Variants in KBTBD12 observed in about 807,000 individuals in gnomAD.
KBTBD12 encodes the protein kelch repeat and BTB domain containing 12.
Under a neutral mutation model 58.7 loss-of-function variants are expected in KBTBD12, and 53 were observed. The observed-to-expected ratio is 0.90, with a 90% CI of 0.72 to 1.14. The LOEUF is 1.14. Ranked by LOEUF, KBTBD12 falls within the 50% of genes most tolerant of loss-of-function variation. The pLI, the probability that KBTBD12 is intolerant of heterozygous loss-of-function variation, is 0.00. For missense variants in KBTBD12, 704 were observed against 751.3 expected, an observed-to-expected ratio of 0.94 and a Z score of 0.74; for synonymous variants, 236 against 259.8, an observed-to-expected ratio of 0.91 and a Z score of 0.88.
chr3:127,921,127 G>T (rs1466850786), intron 1 of KBTBD12, among the ~76,000 whole-genome samples: 1 of 152,012 alleles, frequency 6.6e-6, no homozygotes, highest in Non-Finnish European at 1.5e-5. Flanking sequence ...CAAGAAAATT[G>T]CATATTGTAC....
chr3:127,936,425 T>G (rs1287759611), intron 4 of KBTBD12, among the ~76,000 whole-genome samples: 1 of 152,032 alleles, frequency 6.6e-6, no homozygotes, highest in East Asian at 1.9e-4. Context: ...CAATGGAGAT[T>G]TATACTACTA....
chr3:127,982,479 T>C (rs1397730294), intron 5 of KBTBD12, among the ~76,000 whole-genome samples: 2 of 152,064 alleles, frequency 1.3e-5, no homozygotes, highest in Non-Finnish European at 2.9e-5. Flanking sequence ...CCACTGAAAT[T>C]ATTCAAACCA....
intron 4 of KBTBD12, among the ~76,000 whole-genome samples, chr3:127,961,836 C>T (rs1940446017): frequency 6.6e-6 from 1 of 152,200 alleles, no homozygotes; most frequent in Admixed American, 6.5e-5. Context: ...AAAATACCAC[C>T]TGACTGATGC....
At chr3:127,915,620 C>G (rs1184698062) in intron 1 of KBTBD12, 34 bp downstream of exon 1, 1 of 152,264 alleles carries the variant, frequency 6.6e-6, no homozygotes, top group Non-Finnish European at 1.5e-5. Context: ...GGAACGCGGC[C>G]CCCAGTCACA....
intron 4 of KBTBD12, among the ~76,000 whole-genome samples, chr3:127,937,360 A>G (rs1939853147): frequency 6.6e-6 from 1 of 152,228 alleles, no homozygotes; most frequent in Non-Finnish European, 1.5e-5. Context: ...AAGTGACTTT[A>G]TAACTGCAAG....
chr3:127,982,537 C>T (rs752347479), intron 5 of KBTBD12, among the ~76,000 whole-genome samples: 2 of 152,212 alleles, frequency 1.3e-5, no homozygotes, highest in Non-Finnish European at 2.9e-5. Flanking sequence ...CTCCCGTGGC[C>T]TACACCTTCC....
At chr3:127,938,565 G>A (rs976229634) in intron 4 of KBTBD12, among the ~76,000 whole-genome samples, 4 of 152,210 alleles carry the variant, frequency 2.6e-5, no homozygotes, top group African/African-American at 9.6e-5. Context: ...CTAGATATTA[G>A]ATGAAATGTA....
chr3:127,934,672 G>A (rs868325498), intron 4 of KBTBD12, among the ~76,000 whole-genome samples: 1 of 152,012 alleles, frequency 6.6e-6, no homozygotes, highest in Admixed American at 6.5e-5. Context: ...AAGGTAAAAC[G>A]CCGTATCATG....
chr3:127,957,221 G>C (rs559868135), intron 4 of KBTBD12, among the ~76,000 whole-genome samples: 7 of 152,218 alleles, frequency 4.6e-5, no homozygotes, highest in Non-Finnish European at 8.8e-5. Context: ...ATTTCACTTA[G>C]ACACAAGATA....
At chr3:127,973,087 T>C (rs1254966688) in intron 5 of KBTBD12, among the ~76,000 whole-genome samples, 2 of 152,218 alleles carry the variant, frequency 1.3e-5, no homozygotes, top group Non-Finnish European at 2.9e-5. Context: ...CAAATAATCA[T>C]CATTAATAAT....
At chr3:127,919,711 A>C (rs540418635) in intron 1 of KBTBD12, among the ~76,000 whole-genome samples, 1 of 152,090 alleles carries the variant, frequency 6.6e-6, no homozygotes, top group South Asian at 2.1e-4. Flanking sequence ...TTTTCCAATC[A>C]CTCATAAATT....
intron 5 of KBTBD12, among the ~76,000 whole-genome samples, chr3:127,972,240 T>C (rs1282271446): frequency 1.3e-5 from 2 of 152,160 alleles, no homozygotes; most frequent in African/African-American, 4.8e-5. Flanking sequence ...AAACAGAGGG[T>C]AAATGTTGAA....
chr3:127,935,262 C>G (rs1342047674), intron 4 of KBTBD12, among the ~76,000 whole-genome samples: 1 of 151,996 alleles, frequency 6.6e-6, no homozygotes, highest in African/African-American at 2.4e-5. Flanking sequence ...AATTGTGATA[C>G]TATATAGTTG....
At chr3:127,930,085 A>C in intron 3 of KBTBD12, 48 bp from the exon 4 acceptor site, 2 of 1,510,484 alleles carry the variant, frequency 1.3e-6, no homozygotes, top group Non-Finnish European at 1.8e-6. Context: ...GTACTCACAA[A>C]GATTGCTAAA....
chr3:127,942,085 A>C (rs1032620984), intron 4 of KBTBD12, among the ~76,000 whole-genome samples: 2 of 152,208 alleles, frequency 1.3e-5, no homozygotes, highest in South Asian at 4.1e-4. Context: ...TCTATGTAGA[A>C]AATCTAAAAG....
chr3:127,941,191 A>G (rs1314387430), intron 4 of KBTBD12, among the ~76,000 whole-genome samples: 3 of 152,218 alleles, frequency 2.0e-5, no homozygotes, highest in Non-Finnish European at 4.4e-5. Context: ...ATAGGTCAGC[A>G]TTACCTAATA....
chr3:127,942,102 T>A (rs988361603), intron 4 of KBTBD12, among the ~76,000 whole-genome samples: 13 of 152,216 alleles, frequency 8.5e-5, no homozygotes, highest in African/African-American at 3.1e-4. Context: ...AAAGGGCCTA[T>A]CTTTTACATT....
chr3:127,970,348 G>A (rs1940660186), intron 5 of KBTBD12, among the ~76,000 whole-genome samples: 1 of 152,200 alleles, frequency 6.6e-6, no homozygotes, highest in Admixed American at 6.5e-5. Context: ...TAATGCAGCT[G>A]CTCTGGAAAA....
rs370030575 is a variant in KBTBD12 at position 127,923,151 on chromosome 3, G to A, written c.90G>A (p.Met30Ile). 91 of 1,612,006 alleles carry A rather than the reference G, an allele frequency of 5.6e-5. No individual in the cohort carries two copies. The highest frequency in any genetic ancestry group is 7.1e-5 in the Non-Finnish European group (84 of 1,178,312). ...KIQNMKELAE[M>I]IDVVLTAEGE... Reference sequence around the variant, plus strand: ...AGAACATGAAAGAATTAGCAGAAATGATTGATGTGGTACTCACAGCAGAAG... The same window carrying A: ...AGAACATGAAAGAATTAGCAGAAATAATTGATGTGGTACTCACAGCAGAAG... Residue 30 changes from methionine to isoleucine, a missense_variant, in exon 2 of 6, where the codon ATG (methionine) becomes ATA (isoleucine). Met to Ile is a conservative substitution (Grantham distance 10). Coordinates refer to ENST00000405109, the MANE Select transcript of KBTBD12 (RefSeq NM_207335.4).
Sources: allele counts gnomAD v4.1 joint callset (sites outside exome capture counted in the v4.1 genomes callset), GRCh38; gene constraint gnomAD v4.1.1; transcripts MANE v1.5; gene names NCBI Gene and HGNC (gene_info 2026-07-23, HGNC 2026-07-21).